The following GPRASP2 variants were observed in gnomAD, a reference collection of about 807,000 sequenced individuals.
GPRASP2 encodes the protein G protein-coupled receptor-associated sorting protein 2.
In GPRASP2, 10 loss-of-function variants were observed where a neutral mutation model predicts 36.0. The observed-to-expected ratio is 0.28, with a 90% confidence interval of 0.17 to 0.47. The LOEUF (loss-of-function observed/expected upper bound fraction) is 0.47. Ranked by LOEUF, GPRASP2 falls within the 20% of genes least tolerant of loss-of-function variation. The pLI is 0.99. For synonymous variants in GPRASP2, 219 were observed against 230.5 expected (o/e 0.95, Z 0.45); for missense variants, 538 against 626.7 (o/e 0.86, Z 1.51).
intron 1 of GPRASP2, 70 bp from the exon 2 acceptor site, chrX:102,713,060 C>T (rs998676252): frequency 2.7e-5 from 3 of 112,685 alleles, no homozygotes; most frequent in Non-Finnish European, 3.8e-5. Context: ...CCTGTGGGGC[C>T]CCATGTCCTC....
At chrX:102,713,023 A>G (rs888636637) in intron 1 of GPRASP2, 107 bp from the exon 2 acceptor site, 2 of 111,196 alleles carry the variant, frequency 1.8e-5, no homozygotes, top group African/African-American at 3.3e-5. Flanking sequence ...CGCGTTTGCT[A>G]CTCCGGGTCC....
Position 102,717,245 on chromosome X carries a change from A to T in GPRASP2, c.2376A>T (p.Lys792Asn). 3 of 1,109,071 alleles carry T rather than the reference A, an allele frequency of 2.7e-6. No individual in the cohort carries two copies. Among genetic ancestry groups the T allele is most frequent in the Non-Finnish European group, 3.5e-6 (3 of 845,112 alleles). 91.4% of individuals were successfully genotyped at this position (1,109,071 alleles called of 1,213,427 possible). ...KMFQNISNII[K>N]SGKMSLIDDD... ...TTCAGAATATCAGTAACATTATAAA[A>T]AGTGGAAAGATGTCCTTAATTGATG... Residue 792 changes from lysine (K) to asparagine (N), a missense_variant, in exon 5 of 5, where the codon AAA becomes AAT. By Grantham distance (94) the Lys-to-Asn change is moderately conservative. Transcript: ENST00000483720.
chrX:102,716,050 A>T lies in GPRASP2; in HGVS notation c.1181A>T (p.Glu394Val). 1 of 1,195,765 alleles carries T rather than the reference A, an allele frequency of 8.4e-7. No homozygotes were observed. Residue 394 changes from glutamate to valine, a missense_variant, in exon 5 of 5, where the codon GAA becomes GTA. Glu to Val is a moderately radical substitution (Grantham distance 121). Transcript: ENST00000483720. The stretch of plus-strand genomic sequence containing the variant: ...ATTATTGGGTCCTGGTTCTGGGCAG[A>T]AAAAGAGGCCAGTTTGGAGGGTGGA... ...EVIIGSWFWAEKEASLEGGAS... is the reference protein window; with the variant it reads ...EVIIGSWFWAVKEASLEGGAS...
chrX:102,712,695 G>T (rs2081889552), intron 1 of GPRASP2, 143 bp downstream of exon 1: 1 of 112,729 alleles, frequency 8.9e-6, no homozygotes, highest in Non-Finnish European at 1.9e-5. Flanking sequence ...AGAGAGGTGC[G>T]CAGTGCCCGA....
rs746090179 is a variant in GPRASP2 at position 102,717,238 on chromosome X, T to G, written c.2369T>G (p.Ile790Ser). The G allele has an allele frequency of 2.9e-5, 32 of 1,109,725 alleles. No homozygotes were observed. The South Asian group carries it at 8.6e-4, about 30-fold the overall frequency. 91.5% of individuals were successfully genotyped at this position (1,109,725 alleles called of 1,213,427 possible). A position where few individuals can be genotyped will look rare whatever the true frequency, so the allele number is the denominator to read the frequency against. ...VIKMFQNISN[I>S]IKSGKMSLID... ...AAAATGTTTCAGAATATCAGTAACATTATAAAAAGTGGAAAGATGTCCTTA... is the reference window on the plus strand; with the variant it reads ...AAAATGTTTCAGAATATCAGTAACAGTATAAAAAGTGGAAAGATGTCCTTA... Residue 790 changes from isoleucine to serine, a missense_variant, in exon 5 of 5, where the codon ATT (isoleucine) becomes AGT (serine). Coordinates refer to ENST00000483720, the MANE Select transcript of GPRASP2 (RefSeq NM_001004051.4).
rs201589295 is a variant in GPRASP2 at position 102,717,008 on chromosome X, C to T, written c.2139C>T (p.His713=). The change falls in exon 5 of 5, where the codon CAC becomes CAT. Residue 713 remains histidine, a synonymous_variant. Transcript: ENST00000483720. The stretch of plus-strand genomic sequence containing the variant: ...ACCTCACTATGACTATTGACTATCA[C>T]ACACTGATTGCCAACTATATGTCCG... ...LRHLTMTIDY[H]TLIANYMSGF... is the part of the protein sequence containing the mutation. The T allele has an allele frequency of 8.1e-5, 97 of 1,198,050 alleles. No homozygotes were observed. Among genetic ancestry groups the T allele is most frequent in the African/African-American group, 1.2e-4 (7 of 57,126 alleles).
rs139595357 is a variant in GPRASP2 at position 102,717,265 on chromosome X, T to C, written c.2396T>C (p.Ile799Thr). 40 of 1,100,443 alleles carry C rather than the reference T, an allele frequency of 3.6e-5. No individual in the cohort carries two copies. In the Middle Eastern group the frequency reaches 7.7e-4, roughly 21 times the overall value. The allele number at this position is 1,100,443 out of a possible 1,213,427, so 90.7% of individuals were successfully genotyped here. A position where few individuals can be genotyped will look rare whatever the true frequency, so the allele number is the denominator to read the frequency against. Residue 799 changes from isoleucine to threonine, a missense_variant, in exon 5 of 5, where the codon ATT (isoleucine) becomes ACT (threonine). Around this residue, in one of 2 missense-constraint regions of GPRASP2, gnomAD observed 262 missense variants for 351.7 expected, o/e 0.74. Transcript: ENST00000483720. Reference sequence around the variant, plus strand: ...ATAAAAAGTGGAAAGATGTCCTTAATTGATGATGATTTCAGTCTTGAGCCG... The same window carrying C: ...ATAAAAAGTGGAAAGATGTCCTTAACTGATGATGATTTCAGTCTTGAGCCG... ...NIIKSGKMSL[I>T]DDDFSLEPLI...
In GPRASP2 at chrX:102,716,476, AAGG is replaced by A. The variant is rs1386642141; in HGVS notation, c.1610_1612del (p.Gly537del). ...CCCAAGAACCTGGAACTTAGCCCAG[AAGG>A]AGAAGAGCAGGAATCTTTGCTTCAG... is the stretch of plus-strand genomic sequence containing the variant. On this transcript the variant is annotated inframe_deletion, in exon 5 of 5. Transcript: ENST00000483720. 7.4e-6 allele frequency: 9 copies of A among 1,210,605 alleles called. No individual in the cohort carries two copies. In the African/African-American group the frequency reaches 1.6e-4, roughly 21 times the overall value.
chrX:102,715,209 G>T lies in GPRASP2; in HGVS notation c.340G>T (p.Ala114Ser). ...AGGTGGCGCTCGTTCTAAAACTGAT[G>T]CCAAGGCAATCCCTGGAGCAAGGCC... ...AVGGARSKTD[A>S]KAIPGARPKD... is the part of the protein sequence containing the mutation. The change falls in exon 5 of 5, where the codon GCC becomes TCC. Residue 114 changes from alanine to serine, a missense_variant. By Grantham distance (99) the Ala-to-Ser change is moderately conservative. This residue lies in a region of GPRASP2 where 276 missense variants were observed against 275.0 expected (regional missense o/e 1.00). Transcript: ENST00000483720. 3 of 1,212,611 alleles carry T rather than the reference G, an allele frequency of 2.5e-6. No individual in the cohort carries two copies. Among genetic ancestry groups the T allele is most frequent in the South Asian group, 1.8e-5 (1 of 57,067 alleles).
In GPRASP2 at chrX:102,717,027, A is replaced by G. The variant is rs2081974869; in HGVS notation, c.2158A>G (p.Met720Val). 6 of 1,198,321 alleles carry G rather than the reference A, an allele frequency of 5.0e-6. No individual in the cohort carries two copies. The highest frequency in any genetic ancestry group is 5.6e-6 in the Non-Finnish European group (5 of 886,303). Residue 720 changes from methionine to valine, a missense_variant, in exon 5 of 5, where the codon ATG becomes GTG. Transcript: ENST00000483720. ...IDYHTLIANY[M>V]SGFLSLLTTA... ...CTATCACACACTGATTGCCAACTAT[A>G]TGTCCGGGTTTCTCTCCTTATTAAC...
Position 102,715,987 on chromosome X carries a change from A to G in GPRASP2, c.1118A>G (p.Asp373Gly). The G allele has an allele frequency of 8.3e-7, 1 of 1,210,419 alleles. No individual in the cohort carries two copies. The highest frequency in any genetic ancestry group is 1.1e-6 in the Non-Finnish European group (1 of 895,158). ...AGGGCCCAGAAAGATGTTGACAGTGATAGGGTCAAACAAGAACCCAGGTTT... is the reference window on the plus strand; with the variant it reads ...AGGGCCCAGAAAGATGTTGACAGTGGTAGGGTCAAACAAGAACCCAGGTTT... ...KLRAQKDVDS[D>G]RVKQEPRFEE... Residue 373 changes from aspartate to glycine, a missense_variant, in exon 5 of 5, where the codon GAT (aspartate) becomes GGT (glycine). Physicochemically the swap from Asp to Gly is moderately conservative, Grantham distance 94. This residue lies in a region of GPRASP2 where 276 missense variants were observed against 275.0 expected (regional missense o/e 1.00). Coordinates refer to ENST00000483720, the MANE Select transcript of GPRASP2 (RefSeq NM_001004051.4).
At position 102,715,109 on chromosome X, in the gene GPRASP2, A is replaced by G. The variant is rs2081941287; in HGVS notation, c.240A>G (p.Val80=). ...SGARPKTEVQ[V]MGGARPKTEA... is the part of the protein sequence containing the mutation. Reference sequence around the variant, plus strand: ...CAAGGCCCAAAACTGAGGTCCAAGTAATGGGTGGTGCAAGACCCAAAACGG... The same window carrying G: ...CAAGGCCCAAAACTGAGGTCCAAGTGATGGGTGGTGCAAGACCCAAAACGG... Residue 80 remains valine (V), a synonymous_variant, in exon 5 of 5, where the codon GTA becomes GTG. Coordinates refer to ENST00000483720, the MANE Select transcript of GPRASP2 (RefSeq NM_001004051.4). The G allele has an allele frequency of 2.5e-6, 3 of 1,212,577 alleles. No individual in the cohort carries two copies. In the East Asian group the frequency reaches 8.9e-5, roughly 36 times the overall value.
In GPRASP2 at chrX:102,715,270, T is replaced by C. The variant is rs376663387; in HGVS notation, c.401T>C (p.Phe134Ser). The C allele has an allele frequency of 5.3e-5, 64 of 1,211,421 alleles. No individual in the cohort carries two copies. Among genetic ancestry groups the C allele is most frequent in the Non-Finnish European group, 6.8e-5 (61 of 895,499 alleles). Residue 134 changes from phenylalanine (F) to serine (S), a missense_variant, in exon 5 of 5, where the codon TTT becomes TCT. This residue lies in a region of GPRASP2 where 276 missense variants were observed against 275.0 expected (regional missense o/e 1.00). Coordinates refer to ENST00000483720, the MANE Select transcript of GPRASP2 (RefSeq NM_001004051.4). ...DEAQAWAQSE[F>S]GTEAVSQAEG... ...GCCCAGGCATGGGCCCAGAGTGAAT[T>C]TGGGACTGAAGCAGTGTCACAGGCA...
chrX:102,716,127 G>A lies in GPRASP2; in HGVS notation c.1258G>A (p.Gly420Arg), dbSNP rs759518487. 9.2e-6 allele frequency: 11 copies of A among 1,193,111 alleles called. 1 individual carries two copies. Among genetic ancestry groups the A allele is most frequent in the South Asian group, 3.8e-5 (2 of 53,062 alleles). ...AGGAACTGAGGAGGGGGCCATTGGC[G>A]GATCCGCGTACTGGGCTGAGGAAAA... ...EPGTEEGAIG[G>R]SAYWAEEKSS... The change falls in exon 5 of 5, where the codon GGA (glycine) becomes AGA (arginine). Residue 420 changes from glycine (G) to arginine (R), a missense_variant. By Grantham distance (125) the Gly-to-Arg change is moderately radical. Around this residue, in one of 2 missense-constraint regions of GPRASP2, gnomAD observed 262 missense variants for 351.7 expected, o/e 0.74. Coordinates refer to ENST00000483720, the MANE Select transcript of GPRASP2 (RefSeq NM_001004051.4).
Position 102,716,591 on chromosome X carries a change from G to A in GPRASP2, c.1722G>A (p.Arg574=). Residue 574 remains arginine (R), a synonymous_variant, in exon 5 of 5, where the codon AGG becomes AGA. Transcript: ENST00000483720. The part of the protein sequence containing the change: ...VREIREHLRA[R]ESAESESWSC... ...AAATTCGAGAGCATCTTAGGGCCAGGGAGAGTGCAGAGTCTGAGAGTTGGT... is the reference window on the plus strand; with the variant it reads ...AAATTCGAGAGCATCTTAGGGCCAGAGAGAGTGCAGAGTCTGAGAGTTGGT... 8.3e-7 allele frequency: 1 copy of A among 1,212,019 alleles called. No homozygotes were observed. Among genetic ancestry groups the A allele is most frequent in the South Asian group, 1.8e-5 (1 of 56,990 alleles).
Position 102,715,537 on chromosome X carries a change from G to A in GPRASP2, c.668G>A (p.Gly223Glu). 4.1e-6 allele frequency: 5 copies of A among 1,211,998 alleles called. No homozygotes were observed. The highest frequency in any genetic ancestry group is 5.6e-6 in the Non-Finnish European group (5 of 895,603). Residue 223 changes from glycine to glutamate, a missense_variant, in exon 5 of 5, where the codon GGG becomes GAG. Transcript: ENST00000483720. ...RAREEASNES[G>E]FWSADETSTA... ...AGAGAGGAGGCCTCTAATGAGTCTG[G>A]GTTCTGGTCAGCAGATGAGACCTCT... is the stretch of plus-strand genomic sequence containing the variant.
At position 102,715,640 on chromosome X, in the gene GPRASP2, G is replaced by A; in HGVS notation, c.771G>A (p.Arg257=). The change falls in exon 5 of 5, where the codon AGG becomes AGA. Residue 257 remains arginine, a synonymous_variant. Coordinates refer to ENST00000483720, the MANE Select transcript of GPRASP2 (RefSeq NM_001004051.4). ...GGGAAGAGTCCAATACCAGGTCCAG[G>A]CACAGGGCTAAACATCAGACTAATC... ...WPREESNTRS[R]HRAKHQTNPR... 1 of 1,211,624 alleles carries A rather than the reference G, an allele frequency of 8.3e-7. No individual in the cohort carries two copies. The highest frequency in any genetic ancestry group is 1.1e-6 in the Non-Finnish European group (1 of 895,527).
At position 102,714,847 on chromosome X, in the gene GPRASP2, T is replaced by G. The variant is rs755027367; in HGVS notation, c.-23T>G. On this transcript the variant is annotated 5_prime_UTR_variant, in exon 5 of 5. Coordinates refer to ENST00000483720, the MANE Select transcript of GPRASP2 (RefSeq NM_001004051.4). ...TAGACTACGGGAGGAGTATATTACC[T>G]GACTTTCTTTGTAACTTGTACCATG... 13 of 1,193,157 alleles carry G rather than the reference T, an allele frequency of 1.1e-5. No individual in the cohort carries two copies. The African/African-American group carries it at 1.2e-4, about 11-fold the overall frequency.
Position 102,715,973 on chromosome X carries a change from A to G in GPRASP2, c.1104A>G (p.Lys368=), listed in dbSNP as rs1332767609. ...CTGCCTTGAAACTCAGGGCCCAGAA[A>G]GATGTTGACAGTGATAGGGTCAAAC... The part of the protein sequence containing the change: ...PNTALKLRAQ[K]DVDSDRVKQE... The change falls in exon 5 of 5, where the codon AAA becomes AAG. Residue 368 remains lysine (K), a synonymous_variant. Coordinates refer to ENST00000483720, the MANE Select transcript of GPRASP2 (RefSeq NM_001004051.4). 1.7e-6 allele frequency: 2 copies of G among 1,211,415 alleles called. No homozygotes were observed. Among genetic ancestry groups the G allele is most frequent in the East Asian group, 3.0e-5 (1 of 33,837 alleles).
Sources: allele counts gnomAD v4.1 joint callset, GRCh38; gene constraint gnomAD v4.1.1; regional missense constraint gnomAD v4.1.1; transcripts MANE v1.5; gene names NCBI Gene and HGNC (gene_info 2026-07-23, HGNC 2026-07-21).